KLHL32: variants seen among roughly 807,000 people sequenced by gnomAD.
The protein encoded by KLHL32 is kelch like family member 32.
A neutral mutation model predicts 64.8 loss-of-function variants in KLHL32; 35 were observed. That is an observed-to-expected ratio of 0.54 (90% CI 0.41 to 0.72). KLHL32 has a LOEUF of 0.72. KLHL32 is among the 30% of genes least tolerant of loss of function. KLHL32 has a pLI of 0.00. For synonymous variants in KLHL32, 259 were observed against 281.0 expected, an observed-to-expected ratio of 0.92 and a Z score of 0.78; for missense variants, 589 against 768.5, an observed-to-expected ratio of 0.77 and a Z score of 2.76.
chr6:97,053,391 A>G (rs559495617), intron 4 of KLHL32, among the ~76,000 whole-genome samples: 1 of 152,280 alleles, frequency 6.6e-6, no homozygotes, highest in Admixed American at 6.5e-5. Flanking sequence ...TCCATAAATA[A>G]ATCATTCCAC....
chr6:97,049,280 G>C (rs61338503), intron 4 of KLHL32, among the ~76,000 whole-genome samples: 12,377 of 152,136 alleles, frequency 0.081, 1,048 homozygotes, highest in Admixed American at 0.22. Flanking sequence ...CTTGTACCTT[G>C]GGGCCATTAT....
intron 4 of KLHL32, among the ~76,000 whole-genome samples, chr6:97,045,373 C>T (rs1034990999): frequency 6.6e-6 from 1 of 152,108 alleles, no homozygotes; most frequent in Non-Finnish European, 1.5e-5. Flanking sequence ...TATTATTTCT[C>T]TTTTTATACT....
At chr6:97,109,424 T>C (rs1796830906) in intron 6 of KLHL32, among the ~76,000 whole-genome samples, 2 of 152,226 alleles carry the variant, frequency 1.3e-5, no homozygotes, top group South Asian at 4.1e-4. Flanking sequence ...TAATACATAG[T>C]ATTTGGAGAA....
At chr6:97,032,937 T>C (rs1783772620) in intron 3 of KLHL32, among the ~76,000 whole-genome samples, 1 of 152,074 alleles carries the variant, frequency 6.6e-6, no homozygotes, top group Non-Finnish European at 1.5e-5. Flanking sequence ...TTAGCTTTTT[T>C]TTTTTTTTAT....
At chr6:97,124,002 G>A (rs565638960) in intron 7 of KLHL32, among the ~76,000 whole-genome samples, 24 of 152,302 alleles carry the variant, frequency 1.6e-4, no homozygotes, top group African/African-American at 4.8e-4. Flanking sequence ...ATCTAAAAGC[G>A]AAGAGTGTTA....
chr6:96,962,142 G>T (rs1024370350), intron 1 of KLHL32, among the ~76,000 whole-genome samples: 4 of 152,040 alleles, frequency 2.6e-5, no homozygotes, highest in African/African-American at 7.2e-5. Flanking sequence ...CACTATTATG[G>T]TTTAATAAGA....
intron 3 of KLHL32, among the ~76,000 whole-genome samples, chr6:97,030,095 T>G (rs1439303978): frequency 6.6e-6 from 1 of 152,210 alleles, no homozygotes; most frequent in Non-Finnish European, 1.5e-5. Flanking sequence ...GTAAGATTAT[T>G]TGTATTCTTG....
intron 1 of KLHL32, among the ~76,000 whole-genome samples, chr6:96,951,179 T>C (rs532278253): frequency 6.6e-6 from 1 of 152,196 alleles, no homozygotes; most frequent in South Asian, 2.1e-4. Flanking sequence ...GGTTTGATGA[T>C]AAGGGAGACT....
intron 4 of KLHL32, among the ~76,000 whole-genome samples, chr6:97,044,893 C>G (rs1582829721): frequency 6.6e-6 from 1 of 151,294 alleles, no homozygotes; most frequent in Non-Finnish European, 1.5e-5. Flanking sequence ...TTATTTGAAT[C>G]TTCTCGTTTT....
chr6:97,046,139 G>A (rs1292302686), intron 4 of KLHL32, among the ~76,000 whole-genome samples: 2 of 152,192 alleles, frequency 1.3e-5, no homozygotes, highest in Non-Finnish European at 2.9e-5. Context: ...TGAGAGGACA[G>A]GAAGGGGGCT....
chr6:97,119,405 C>A (rs568967400), intron 7 of KLHL32, among the ~76,000 whole-genome samples: 44 of 152,158 alleles, frequency 2.9e-4, no homozygotes, highest in African/African-American at 1.1e-3. Flanking sequence ...GAGAGTGTGA[C>A]AAGAGAGATG....
intron 3 of KLHL32, among the ~76,000 whole-genome samples, chr6:97,029,278 G>A (rs1173447331): frequency 1.3e-5 from 2 of 152,104 alleles, no homozygotes; most frequent in South Asian, 2.1e-4. Flanking sequence ...GTTAATTTAG[G>A]AAGCAACTGT....
intron 5 of KLHL32, among the ~76,000 whole-genome samples, chr6:97,076,719 TA>T (rs1186330791): frequency 7.9e-5 from 12 of 152,314 alleles, no homozygotes. Flanking sequence ...ATACGTATGC[TA>T]AAAGTAGCAC....
rs537235300 is a variant in KLHL32 at position 97,094,877 on chromosome 6, T to C, written c.627+9536T>C. ...TGTGTGTGTTCTTGTTGATGAGGAATGCCCACTACCTTCTCTGGCCACACA... is the reference window on the plus strand; with the variant it reads ...TGTGTGTGTTCTTGTTGATGAGGAACGCCCACTACCTTCTCTGGCCACACA... On this transcript the variant is annotated intron_variant, in intron 6 of 10. Coordinates refer to ENST00000369261, the MANE Select transcript of KLHL32 (RefSeq NM_052904.4). Among the ~76,000 whole-genome samples the C allele has an allele frequency of 9.2e-5, 14 of 152,272 alleles. No homozygotes were observed. The South Asian group carries it at 2.5e-3, about 27-fold the overall frequency.
At chr6:96,986,744 G>A (rs548396090) in intron 3 of KLHL32, among the ~76,000 whole-genome samples, 1 of 152,320 alleles carries the variant, frequency 6.6e-6, no homozygotes, top group Admixed American at 6.5e-5. Flanking sequence ...GGGTGGGAGT[G>A]ACCCGATTTT....
At chr6:97,059,296 A>G (rs1321527564) in intron 4 of KLHL32, among the ~76,000 whole-genome samples, 1 of 152,246 alleles carries the variant, frequency 6.6e-6, no homozygotes, top group Non-Finnish European at 1.5e-5. Context: ...AGACTAGTAG[A>G]TTACTGGCTT....
At chr6:96,975,971 G>A (rs1775645323) in intron 2 of KLHL32, 26 bp from the exon 3 acceptor site, 3 of 1,498,036 alleles carry the variant, frequency 2.0e-6, no homozygotes, top group Non-Finnish European at 2.7e-6. Context: ...AAGGAAAAAT[G>A]TTGACTTGAT....
intron 1 of KLHL32, among the ~76,000 whole-genome samples, chr6:96,927,626 G>C (rs1769325509): frequency 6.6e-6 from 1 of 152,116 alleles, no homozygotes; most frequent in African/African-American, 2.4e-5. Context: ...GTAGTTAAAA[G>C]GAAAAGCCAA....
At chr6:97,048,080 T>G (rs370062586) in intron 4 of KLHL32, among the ~76,000 whole-genome samples, 8 of 152,228 alleles carry the variant, frequency 5.3e-5, no homozygotes, top group African/African-American at 1.9e-4. Context: ...AGCTTCCTCT[T>G]AATTTCCGGA....
Sources: allele counts gnomAD v4.1 joint callset (sites outside exome capture counted in the v4.1 genomes callset), GRCh38; gene constraint gnomAD v4.1.1; transcripts MANE v1.5; gene names NCBI Gene and HGNC (gene_info 2026-07-23, HGNC 2026-07-21).